The following BTBD9 variants were observed in gnomAD, a reference collection of about 807,000 sequenced individuals.
The protein encoded by BTBD9 is BTB domain containing 9.
In BTBD9, 49 loss-of-function variants were observed where a neutral mutation model predicts 64.3. That is an observed-to-expected ratio of 0.76 (90% CI 0.61 to 0.97). The LOEUF (loss-of-function observed/expected upper bound fraction) is 0.97, where lower values mean the gene tolerates loss of function less well. BTBD9 is among the 50% of genes least tolerant of loss of function. BTBD9 has a pLI of 0.00. For synonymous variants in BTBD9, 260 were observed against 274.7 expected, an observed-to-expected ratio of 0.95 and a Z score of 0.53; for missense variants, 598 against 762.1, an observed-to-expected ratio of 0.78 and a Z score of 2.53.
chr6:38,465,394 G>A (rs1016605415), intron 6 of BTBD9, among the ~76,000 whole-genome samples: 1 of 146,470 alleles, frequency 6.8e-6, no homozygotes, highest in Non-Finnish European at 1.5e-5. Flanking sequence ...GAGGCAGGCA[G>A]ATCACGAGGT....
chr6:38,299,275 G>A (rs373695847), intron 7 of BTBD9, among the ~76,000 whole-genome samples: 1 of 152,154 alleles, frequency 6.6e-6, no homozygotes, highest in African/African-American at 2.4e-5. Context: ...ATTTGGGTTG[G>A]TTCCAAGTCT....
intron 7 of BTBD9, among the ~76,000 whole-genome samples, chr6:38,302,512 T>C (rs1188728822): frequency 9.7e-6 from 1 of 103,060 alleles, no homozygotes; most frequent in Middle Eastern, 4.6e-3. Flanking sequence ...TATATATATA[T>C]ATATATATAT....
intron 7 of BTBD9, among the ~76,000 whole-genome samples, chr6:38,315,510 T>C (rs1196720001): frequency 6.6e-6 from 1 of 152,176 alleles, no homozygotes; most frequent in African/African-American, 2.4e-5. Context: ...ATGTTGTGTT[T>C]CCATTATCAT....
At chr6:38,365,462 C>A (rs1457971729) in intron 6 of BTBD9, among the ~76,000 whole-genome samples, 3 of 152,148 alleles carry the variant, frequency 2.0e-5, no homozygotes, top group African/African-American at 7.2e-5. Context: ...AAGGTACAGG[C>A]TGGATGTGGT....
chr6:38,285,539 G>A (rs779982493), intron 8 of BTBD9, among the ~76,000 whole-genome samples: 9 of 151,980 alleles, frequency 5.9e-5, no homozygotes, highest in Non-Finnish European at 1.2e-4. Context: ...GGAGGTGTGG[G>A]GTACCAGGTA....
In BTBD9 at chr6:38,256,389, C is replaced by T. The variant is rs759315727; in HGVS notation, c.1562+20G>A. The T allele has an allele frequency of 2.6e-6, 4 of 1,559,266 alleles. No individual in the cohort carries two copies. The highest frequency in any genetic ancestry group is 3.5e-6 in the Non-Finnish European group (4 of 1,130,668). ...ACTGTCTTTTCAATAGGAATAAATT[C>T]CTGAAAAGACACAACTTACTTGCAG... On this transcript the variant is annotated intron_variant, in intron 9 of 10. Transcript: ENST00000481247.
intron 6 of BTBD9, among the ~76,000 whole-genome samples, chr6:38,522,294 A>T (rs546189243): frequency 6.6e-6 from 1 of 152,340 alleles, no homozygotes; most frequent in Admixed American, 6.5e-5. Context: ...CAAAAAACCA[A>T]CAATTTGAAC....
intron 7 of BTBD9, among the ~76,000 whole-genome samples, chr6:38,311,163 T>A (rs956905671): frequency 1.8e-4 from 28 of 152,152 alleles, no homozygotes; most frequent in Non-Finnish European, 2.1e-4. Context: ...ATAGTCACCT[T>A]GCTGTGCTAT....
intron 1 of BTBD9, among the ~76,000 whole-genome samples, chr6:38,638,444 T>C (rs71571336): frequency 0.085 from 12,967 of 152,270 alleles, 688 homozygotes; most frequent in Middle Eastern, 0.18. Flanking sequence ...CACTTGAGCA[T>C]AGTGTGCTAT....
At chr6:38,618,515 C>T (rs1303292010) in intron 1 of BTBD9, among the ~76,000 whole-genome samples, 1 of 152,156 alleles carries the variant, frequency 6.6e-6, no homozygotes, top group Non-Finnish European at 1.5e-5. Context: ...GATGAGCCTC[C>T]TCTAATCTCC....
At chr6:38,175,260 C>T in intron 10 of BTBD9, 78 bp from the exon 11 acceptor site, 1 of 1,475,100 alleles carries the variant, frequency 6.8e-7, no homozygotes, top group African/African-American at 1.4e-5. Flanking sequence ...TGGGATACTG[C>T]CCTGCCCAGC....
At chr6:38,544,456 G>A (rs1774437979) in intron 6 of BTBD9, among the ~76,000 whole-genome samples, 1 of 152,018 alleles carries the variant, frequency 6.6e-6, no homozygotes, top group African/African-American at 2.4e-5. Context: ...TGGGGAGGGT[G>A]CTACAATTTT....
chr6:38,224,291 CTA>C (rs1331568218), intron 9 of BTBD9, among the ~76,000 whole-genome samples: 2 of 152,126 alleles, frequency 1.3e-5, no homozygotes, highest in Admixed American at 6.5e-5. Context: ...ACCTCTTTTT[CTA>C]TGTTTTCATT....
intron 6 of BTBD9, among the ~76,000 whole-genome samples, chr6:38,531,048 A>AT (rs1316437362): frequency 6.6e-6 from 1 of 152,308 alleles, no homozygotes; most frequent in Non-Finnish European, 1.5e-5. Flanking sequence ...GGGGTAGAAA[A>AT]TTTATTCAAA....
intron 9 of BTBD9, 65 bp from the exon 10 acceptor site, chr6:38,192,662 A>T (rs1313152506): frequency 2.8e-6 from 4 of 1,422,044 alleles, no homozygotes; most frequent in East Asian, 4.6e-5. Context: ...AGTGTGGCCG[A>T]TGGAGTCATG....
intron 1 of BTBD9, among the ~76,000 whole-genome samples, chr6:38,616,860 C>T (rs1365016432): frequency 6.6e-6 from 1 of 152,120 alleles, no homozygotes; most frequent in Non-Finnish European, 1.5e-5. Flanking sequence ...TCTGTGCCAT[C>T]TTTAAGAGCT....
chr6:38,326,199 C>T lies in BTBD9; in HGVS notation c.1264+18785G>A, dbSNP rs1281755313. On this transcript the variant is annotated intron_variant, in intron 7 of 10. Coordinates refer to ENST00000481247, the MANE Select transcript of BTBD9 (RefSeq NM_001099272.2). ...GGAAGGATAAGGAGAGGGTGAGGGG[C>T]ATTCCAGAGCGAACAGCAAGTGCAA... Among the ~76,000 whole-genome samples, 4 of 152,092 alleles carry T rather than the reference C, an allele frequency of 2.6e-5. No homozygotes were observed. The East Asian group carries it at 7.7e-4, about 29-fold the overall frequency.
intron 9 of BTBD9, among the ~76,000 whole-genome samples, chr6:38,234,938 A>T (rs1214577505): frequency 2.0e-5 from 3 of 152,254 alleles, no homozygotes; most frequent in African/African-American, 7.2e-5. Flanking sequence ...TTTTACATTA[A>T]ACAGAAACAA....
chr6:38,397,720 C>T (rs1416663628), intron 6 of BTBD9, among the ~76,000 whole-genome samples: 1 of 152,104 alleles, frequency 6.6e-6, no homozygotes, highest in Non-Finnish European at 1.5e-5. Flanking sequence ...AAGACACAAA[C>T]AAACACATTA....
Sources: allele counts gnomAD v4.1 joint callset (sites outside exome capture counted in the v4.1 genomes callset), GRCh38; gene constraint gnomAD v4.1.1; transcripts MANE v1.5; gene names NCBI Gene and HGNC (gene_info 2026-07-23, HGNC 2026-07-21).